TYW1B: variants seen among roughly 807,000 people sequenced by gnomAD.
TYW1B encodes the protein S-adenosyl-L-methionine-dependent tRNA 4-demethylwyosine synthase TYW1B.
Under a neutral mutation model 86.9 loss-of-function variants are expected in TYW1B, and 73 were observed. The ratio of observed to expected loss-of-function variants is 0.84; its 90% CI spans 0.70 to 1.02. The LOEUF (loss-of-function observed/expected upper bound fraction) is 1.02, where lower values mean the gene tolerates loss of function less well. TYW1B is among the 50% of genes least tolerant of loss of function. TYW1B has a pLI of 0.00. For synonymous variants in TYW1B, 248 were observed against 292.8 expected (o/e 0.85, Z 1.56); for missense variants, 637 against 827.4 (o/e 0.77, Z 2.82).
intron 13 of TYW1B, among the ~76,000 whole-genome samples, chr7:72,604,483 A>G (rs1554434441): frequency 1.3e-5 from 2 of 152,028 alleles, no homozygotes; most frequent in Non-Finnish European, 2.9e-5. Context: ...AAATTTTTAA[A>G]AATTTTACAG....
chr7:72,772,729 C>T (rs548722680), intron 7 of TYW1B, among the ~76,000 whole-genome samples: 44 of 152,254 alleles, frequency 2.9e-4, no homozygotes, highest in Non-Finnish European at 5.6e-4. Context: ...CCACAATTAT[C>T]ATGAGTCACT....
Position 72,760,089 on chromosome 7 carries a change from C to T in TYW1B, c.965-15488G>A, listed in dbSNP as rs534873798. Reference sequence around the variant, plus strand: ...ACAAAAAAACCCTGCTAAAGTTCTTCCCTGCCTATATTTGCTAATTAAGCA... The same window carrying T: ...ACAAAAAAACCCTGCTAAAGTTCTTTCCTGCCTATATTTGCTAATTAAGCA... On this transcript the variant is annotated intron_variant, in intron 7 of 13. Coordinates refer to ENST00000620995, the MANE Select transcript of TYW1B (RefSeq NM_001145440.3). Among the ~76,000 whole-genome samples the T allele has an allele frequency of 8.5e-5, 13 of 152,278 alleles. No homozygotes were observed. In the South Asian group the frequency reaches 2.7e-3, roughly 32 times the overall value.
In TYW1B at chr7:72,632,321, T is replaced by TACACG. The variant is rs1563038459; in HGVS notation, c.1507-3325_1507-3324insCGTGT. 2.0e-3 allele frequency among the ~76,000 whole-genome samples: 148 copies of TACACG among 74,284 alleles called. 4 individuals carry two copies. The highest frequency in any genetic ancestry group is 0.014 in the African/African-American group (141 of 10,050). 48.7% of individuals were successfully genotyped at this position (74,284 alleles called of 152,430 possible). A position where few individuals can be genotyped will look rare whatever the true frequency, so the allele number is the denominator to read the frequency against. ...TATACGTGTATATATATTATATATA[T>TACACG]TATATATATATACACGTATATATAT... On this transcript the variant is annotated intron_variant, in intron 11 of 13. Coordinates refer to ENST00000620995, the MANE Select transcript of TYW1B (RefSeq NM_001145440.3).
At position 72,594,526 on chromosome 7, in the gene TYW1B, C is replaced by T. The variant is rs371040908; in HGVS notation, c.1786-18807G>A. Among the ~76,000 whole-genome samples, 871 of 152,202 alleles carry T rather than the reference C, an allele frequency of 5.7e-3. 9 individuals carry two copies. Among genetic ancestry groups the T allele is most frequent in the Middle Eastern group, 0.034 (10 of 294 alleles). On this transcript the variant is annotated intron_variant, in intron 13 of 13. Coordinates refer to ENST00000620995, the MANE Select transcript of TYW1B (RefSeq NM_001145440.3). ...AAATCAGTAATTTAAGATCTCCCTA[C>T]GAAGAAAAGCCCTGGACCTGATGGC...
intron 10 of TYW1B, among the ~76,000 whole-genome samples, chr7:72,712,507 T>C (rs1786689967): frequency 6.6e-6 from 1 of 152,184 alleles, no homozygotes. Context: ...TTTGTATTTT[T>C]AGTAGAGATG....
At chr7:72,592,982 C>A (rs1369743586) in intron 13 of TYW1B, among the ~76,000 whole-genome samples, 4 of 152,142 alleles carry the variant, frequency 2.6e-5, no homozygotes, top group Admixed American at 2.6e-4. Context: ...TTCATAGATA[C>A]AACAACCAGA....
intron 10 of TYW1B, among the ~76,000 whole-genome samples, chr7:72,709,058 G>A (rs1231564928): frequency 2.0e-5 from 3 of 152,148 alleles, no homozygotes; most frequent in Non-Finnish European, 2.9e-5. Context: ...GGACTGCTCT[G>A]TTTCAGAAAA....
At chr7:72,664,919 T>C (rs557306582) in intron 11 of TYW1B, among the ~76,000 whole-genome samples, 1 of 152,310 alleles carries the variant, frequency 6.6e-6, no homozygotes, top group East Asian at 1.9e-4. Flanking sequence ...TTCTCCAATA[T>C]ACTTTAAATA....
chr7:72,580,194 C>T (rs1811120172), intron 13 of TYW1B, among the ~76,000 whole-genome samples: 1 of 152,150 alleles, frequency 6.6e-6, no homozygotes, highest in Non-Finnish European at 1.5e-5. Flanking sequence ...ACATGTGCCA[C>T]CTCTCAGGGC....
chr7:72,610,907 C>A (rs1811919308), intron 13 of TYW1B, among the ~76,000 whole-genome samples: 1 of 152,192 alleles, frequency 6.6e-6, no homozygotes, highest in Non-Finnish European at 1.5e-5. Flanking sequence ...CTCTTCAGTG[C>A]CTCCCCATGC....
intron 11 of TYW1B, among the ~76,000 whole-genome samples, chr7:72,673,830 T>C (rs782553247): frequency 1.3e-5 from 2 of 152,212 alleles, no homozygotes; most frequent in African/African-American, 2.4e-5. Context: ...AATTATTACA[T>C]ATTATATGCC....
chr7:72,788,271 A>G (rs782533125), intron 6 of TYW1B, among the ~76,000 whole-genome samples: 25 of 152,082 alleles, frequency 1.6e-4, no homozygotes, highest in Non-Finnish European at 1.0e-4. Flanking sequence ...GAGCCACTGC[A>G]CCCGGCCTCC....
intron 10 of TYW1B, among the ~76,000 whole-genome samples, chr7:72,712,785 G>C (rs1786694921): frequency 6.6e-6 from 1 of 152,252 alleles, no homozygotes; most frequent in East Asian, 1.9e-4. Flanking sequence ...CAGGAAGCAA[G>C]ATCTTTCCAA....
intron 11 of TYW1B, among the ~76,000 whole-genome samples, chr7:72,676,068 A>T (rs1483352046): frequency 1.7e-4 from 26 of 152,156 alleles, no homozygotes; most frequent in African/African-American, 6.0e-4. Flanking sequence ...TAACAAACTG[A>T]AGCTCTTTGG....
At chr7:72,818,700 C>T (rs1563105510) in intron 2 of TYW1B, among the ~76,000 whole-genome samples, 1 of 151,616 alleles carries the variant, frequency 6.6e-6, no homozygotes, top group Non-Finnish European at 1.5e-5. Flanking sequence ...ACGACATCTG[C>T]TTCTGAAGAG....
intron 6 of TYW1B, among the ~76,000 whole-genome samples, chr7:72,801,914 T>A (rs1554475669): frequency 6.6e-6 from 1 of 152,188 alleles, no homozygotes; most frequent in African/African-American, 2.4e-5. Context: ...CCTATCATGC[T>A]GTTCATCTTC....
intron 8 of TYW1B, among the ~76,000 whole-genome samples, chr7:72,730,188 A>G (rs1354672274): frequency 4.6e-5 from 7 of 152,060 alleles, no homozygotes; most frequent in South Asian, 2.1e-4. Context: ...GCAAGAAAAC[A>G]TGACACTCCC....
chr7:72,707,901 C>T (rs150760210), intron 10 of TYW1B, among the ~76,000 whole-genome samples: 3 of 152,304 alleles, frequency 2.0e-5, no homozygotes, highest in East Asian at 3.9e-4. Flanking sequence ...TAAGTTCTCA[C>T]GAGATGTGGT....
Position 72,794,930 on chromosome 7 carries a change from T to C in TYW1B, c.846+7470A>G, listed in dbSNP as rs531544290. Among the ~76,000 whole-genome samples, 3 of 151,942 alleles carry C rather than the reference T, an allele frequency of 2.0e-5. No homozygotes were observed. The South Asian group carries it at 6.2e-4, about 32-fold the overall frequency. ...GAATCCCAGGCTCAAGCGATTCTCCTACCTCAGCCTCCCAGTAGCTGGGAT... is the reference window on the plus strand; with the variant it reads ...GAATCCCAGGCTCAAGCGATTCTCCCACCTCAGCCTCCCAGTAGCTGGGAT... On this transcript the variant is annotated intron_variant, in intron 6 of 13. Coordinates refer to ENST00000620995, the MANE Select transcript of TYW1B (RefSeq NM_001145440.3).
Sources: allele counts gnomAD v4.1 joint callset (sites outside exome capture counted in the v4.1 genomes callset), GRCh38; gene constraint gnomAD v4.1.1; transcripts MANE v1.5; gene names NCBI Gene and HGNC (gene_info 2026-07-23, HGNC 2026-07-21).